ELMO1: variants seen among roughly 807,000 people sequenced by gnomAD.
ELMO1 encodes engulfment and cell motility 1.
Under a neutral mutation model 98.9 loss-of-function variants are expected in ELMO1, and 26 were observed. The ratio of observed to expected loss-of-function variants is 0.26; its 90% CI spans 0.19 to 0.36. The LOEUF is 0.36. ELMO1 is among the 10% of genes least tolerant of loss of function. ELMO1 has a pLI of 1.00. For missense variants in ELMO1, 627 were observed against 935.2 expected (o/e 0.67, Z 4.30); for synonymous variants, 346 against 346.0 (o/e 1.00, Z 0.00).
rs184064884 is a variant in ELMO1, at chr7:37,332,239, A to C, written c.78+10374T>G. ...AAATGTAATAATGTATTTAGAATAC[A>C]TGGTGCAAACAAGGCAAAGAATGCC... On this transcript the variant is annotated intron_variant, in intron 2 of 21. Coordinates refer to ENST00000310758, the MANE Select transcript of ELMO1 (RefSeq NM_014800.11). 1.9e-3 allele frequency among the ~76,000 whole-genome samples: 291 copies of C among 152,406 alleles called. 2 individuals are homozygous for C. Among genetic ancestry groups the C allele is most frequent in the Middle Eastern group, 0.014 (4 of 294 alleles).
chr7:37,416,177 ACT>A (rs529876661), intron 1 of ELMO1, among the ~76,000 whole-genome samples: 177 of 152,310 alleles, frequency 1.2e-3, no homozygotes, highest in African/African-American at 4.1e-3. Flanking sequence ...TGTTGCACTT[ACT>A]TCCTAAATCA....
chr7:37,000,807 G>C (rs1445640198), intron 16 of ELMO1, among the ~76,000 whole-genome samples: 1 of 152,042 alleles, frequency 6.6e-6, no homozygotes, highest in Non-Finnish European at 1.5e-5. Flanking sequence ...TGGAAACAAG[G>C]CTAGTGGGAA....
rs544015096 is a variant in ELMO1 at position 36,985,974 on chromosome 7, C to T, written c.1437+27325G>A. ...AACCACAAATACTGATTCTAAGCTG[C>T]TGCCACCACAAAGCGACTTAGAGTC... On this transcript the variant is annotated intron_variant, in intron 16 of 21. Transcript: ENST00000310758. 12 of 1,002,920 alleles carry T rather than the reference C, an allele frequency of 1.2e-5. No individual in the cohort carries two copies. The African/African-American group carries it at 2.1e-4, about 17-fold the overall frequency. The allele number at this position is 1,002,920 out of a possible 1,614,324, so 62.1% of individuals were successfully genotyped here.
intron 4 of ELMO1, among the ~76,000 whole-genome samples, chr7:37,286,322 C>T (rs1797391549): frequency 6.6e-6 from 1 of 152,246 alleles, no homozygotes; most frequent in African/African-American, 2.4e-5. Context: ...GCCACCCAGA[C>T]ACTAGTGTCA....
intron 1 of ELMO1, among the ~76,000 whole-genome samples, chr7:37,406,155 C>G (rs1246999678): frequency 6.6e-6 from 1 of 151,872 alleles, no homozygotes; most frequent in Non-Finnish European, 1.5e-5. Context: ...TGGTTCAGGC[C>G]CTGTGTATAA....
chr7:36,972,559 G>A lies in ELMO1; in HGVS notation c.1437+40740C>T, dbSNP rs534565876. On this transcript the variant is annotated intron_variant, in intron 16 of 21. Transcript: ENST00000310758. Reference sequence around the variant, plus strand: ...TCCAGGCCTTTCTCCTTGGCCTGTAGATGACTGTCTCCTCCCTGTGTCTCT... The same window carrying A: ...TCCAGGCCTTTCTCCTTGGCCTGTAAATGACTGTCTCCTCCCTGTGTCTCT... 2.0e-5 allele frequency among the ~76,000 whole-genome samples: 3 copies of A among 152,318 alleles called. No homozygotes were observed. The East Asian group carries it at 5.8e-4, about 29-fold the overall frequency.
intron 6 of ELMO1, among the ~76,000 whole-genome samples, chr7:37,245,359 T>G (rs1458079270): frequency 6.6e-6 from 1 of 151,994 alleles, no homozygotes; most frequent in African/African-American, 2.4e-5. Flanking sequence ...ACATCCAGAG[T>G]AGGGACTGAA....
intron 5 of ELMO1, among the ~76,000 whole-genome samples, chr7:37,259,564 T>C (rs1795873938): frequency 6.6e-6 from 1 of 152,080 alleles, no homozygotes; most frequent in South Asian, 2.1e-4. Context: ...CAGGAAGCAG[T>C]TGCATTCTTC....
At chr7:37,370,625 A>T (rs73348014) in intron 1 of ELMO1, among the ~76,000 whole-genome samples, 90 of 152,290 alleles carry the variant, frequency 5.9e-4, no homozygotes, top group African/African-American at 2.1e-3. Context: ...CAGGCATTTC[A>T]TGAAAAAACA....
At chr7:36,948,442 G>A (rs1412939423) in intron 16 of ELMO1, among the ~76,000 whole-genome samples, 1 of 152,158 alleles carries the variant, frequency 6.6e-6, no homozygotes, top group Non-Finnish European at 1.5e-5. Flanking sequence ...TCCTTACAAA[G>A]GTTCTACAGA....
At chr7:37,152,554 T>C (rs187835110) in intron 13 of ELMO1, among the ~76,000 whole-genome samples, 56 of 152,270 alleles carry the variant, frequency 3.7e-4, no homozygotes, top group African/African-American at 1.3e-3. Context: ...AATATACCTA[T>C]GTGTGCATGT....
intron 4 of ELMO1, among the ~76,000 whole-genome samples, chr7:37,296,229 G>T (rs1353408712): frequency 6.6e-6 from 1 of 152,118 alleles, no homozygotes; most frequent in African/African-American, 2.4e-5. Context: ...GGTTGTTGTA[G>T]AATTCATTTC....
intron 13 of ELMO1, among the ~76,000 whole-genome samples, chr7:37,177,411 ATTTC>A (rs932080978): frequency 3.9e-5 from 6 of 152,220 alleles, no homozygotes; most frequent in South Asian, 4.1e-4. Flanking sequence ...AGCTAATTAA[ATTTC>A]TTTGTTTTCC....
intron 6 of ELMO1, among the ~76,000 whole-genome samples, chr7:37,256,352 A>T (rs1323104978): frequency 6.6e-6 from 1 of 151,960 alleles, no homozygotes; most frequent in Non-Finnish European, 1.5e-5. Flanking sequence ...TGTTCTTCAC[A>T]TTCAGTTCTA....
Position 36,861,705 on chromosome 7 carries a change from T to G in ELMO1, c.1937A>C (p.Tyr646Ser). 1 of 1,612,528 alleles carries G rather than the reference T, an allele frequency of 6.2e-7. No homozygotes were observed. Among genetic ancestry groups the G allele is most frequent in the Non-Finnish European group, 8.5e-7 (1 of 1,179,730 alleles). Residue 646 changes from tyrosine to serine, a missense_variant, in exon 21 of 22, where the codon TAT becomes TCT. By Grantham distance (144) the Tyr-to-Ser change is moderately radical. This residue lies in a region of ELMO1 where 492 missense variants were observed against 715.6 expected (regional missense o/e 0.69). Transcript: ENST00000310758. ...EVLELAFSIL[Y>S]DSNCQLNFIA... ...GAAGTTCAGTTGGCAGTTTGAGTCATACAAGATGGAGAAAGCGAGTTCAAG... is the reference window on the plus strand; with the variant it reads ...GAAGTTCAGTTGGCAGTTTGAGTCAGACAAGATGGAGAAAGCGAGTTCAAG...
chr7:37,218,357 G>A (rs952570081), intron 10 of ELMO1, among the ~76,000 whole-genome samples: 1 of 152,084 alleles, frequency 6.6e-6, no homozygotes, highest in African/African-American at 2.4e-5. Context: ...TCCCTCATGA[G>A]CAGAAACTGT....
Position 37,426,006 on chromosome 7 carries a change from A to G in ELMO1, c.-74+22669T>C, listed in dbSNP as rs1804683135. Among the ~76,000 whole-genome samples, 3 of 151,988 alleles carry G rather than the reference A, an allele frequency of 2.0e-5. No homozygotes were observed. In the South Asian group the frequency reaches 6.2e-4, roughly 32 times the overall value. On this transcript the variant is annotated intron_variant, in intron 1 of 21. Transcript: ENST00000310758. ...TTCAACATCTTCTTTGATGTGAACT[A>G]TTCTCAGGGAGCTAAGATGGACAGA...
chr7:37,106,472 GC>G (rs1349854487), intron 14 of ELMO1, among the ~76,000 whole-genome samples: 1 of 152,150 alleles, frequency 6.6e-6, no homozygotes, highest in Non-Finnish European at 1.5e-5. Flanking sequence ...AGAGAGCACA[GC>G]CCTTACCAGA....
At chr7:37,386,244 T>C (rs1436138104) in intron 1 of ELMO1, among the ~76,000 whole-genome samples, 3 of 152,072 alleles carry the variant, frequency 2.0e-5, no homozygotes, top group Non-Finnish European at 4.4e-5. Context: ...ATGTTGCAAT[T>C]GTTTTGAGCA....
Sources: allele counts gnomAD v4.1 joint callset (sites outside exome capture counted in the v4.1 genomes callset), GRCh38; gene constraint gnomAD v4.1.1; regional missense constraint gnomAD v4.1.1; transcripts MANE v1.5; gene names NCBI Gene and HGNC (gene_info 2026-07-23, HGNC 2026-07-21).